Variants in LAMA2 observed in about 807,000 individuals in gnomAD.
The protein encoded by LAMA2 is laminin subunit alpha-2.
A neutral mutation model predicts 364.8 loss-of-function variants in LAMA2; 269 were observed. The ratio of observed to expected loss-of-function variants is 0.74; its 90% CI spans 0.67 to 0.82. The LOEUF is 0.82. LAMA2 is among the 40% of genes least tolerant of loss of function. The pLI is 0.00. For missense variants in LAMA2, 3,807 were observed against 3,873.2 expected (o/e 0.98, Z 0.45); for synonymous variants, 1,379 against 1,370.6 (o/e 1.01, Z -0.14).
chr6:128,945,054 C>T (rs1189193646), intron 1 of LAMA2, among the ~76,000 whole-genome samples: 1 of 152,152 alleles, frequency 6.6e-6, no homozygotes, highest in South Asian at 2.1e-4. Context: ...TGTTACATCA[C>T]AGCATTTGAG....
chr6:129,116,641 T>G (rs1776501065), intron 4 of LAMA2, among the ~76,000 whole-genome samples: 1 of 147,702 alleles, frequency 6.8e-6, no homozygotes, highest in African/African-American at 2.6e-5. Context: ...AAAGGCAGTT[T>G]TTAAAGGAGA....
At chr6:128,889,792 A>G (rs140308956) in intron 1 of LAMA2, among the ~76,000 whole-genome samples, 10 of 152,346 alleles carry the variant, frequency 6.6e-5, no homozygotes, top group African/African-American at 2.4e-4. Context: ...TTTGCTTGTC[A>G]AAGATGTATA....
intron 37 of LAMA2, among the ~76,000 whole-genome samples, chr6:129,398,699 C>T (rs1322828062): frequency 1.3e-5 from 2 of 152,020 alleles, no homozygotes; most frequent in African/African-American, 4.8e-5. Context: ...GTCTCGGACT[C>T]CTGACCTCAG....
chr6:128,904,881 T>A (rs1777324334), intron 1 of LAMA2, among the ~76,000 whole-genome samples: 1 of 152,232 alleles, frequency 6.6e-6, no homozygotes, highest in African/African-American at 2.4e-5. Context: ...AAAAGGCTGC[T>A]GTTGAAGGTT....
At chr6:129,473,423 G>A in intron 52 of LAMA2, 71 bp downstream of exon 52, 2 of 1,427,820 alleles carry the variant, frequency 1.4e-6, no homozygotes, top group Non-Finnish European at 2.0e-6. Flanking sequence ...CTAGAGTTCT[G>A]AAGTTTAATT....
At chr6:129,359,984 T>G (rs1434091446) in intron 32 of LAMA2, among the ~76,000 whole-genome samples, 1 of 152,188 alleles carries the variant, frequency 6.6e-6, no homozygotes, top group Non-Finnish European at 1.5e-5. Context: ...ACTGTGTTTG[T>G]TAATATTAGA....
chr6:129,460,104 A>G (rs967660106), intron 48 of LAMA2, 96 bp from the exon 49 acceptor site: 10 of 1,151,722 alleles, frequency 8.7e-6, no homozygotes, highest in African/African-American at 7.6e-5. Context: ...ATGGATAATG[A>G]TAACTTTAGT....
chr6:129,391,568 C>A lies in LAMA2; in HGVS notation c.5149C>A (p.Leu1717Ile). The change falls in exon 36 of 65, where the codon CTT becomes ATT. Residue 1717 changes from leucine to isoleucine, a missense_variant. By Grantham distance (5) the Leu-to-Ile change is conservative. Transcript: ENST00000421865. ...GGCCTTTGAGAGAAATTTGGAAGGG[C>A]TTCAGAAAGAGATTGACCAGATGAT... is the stretch of plus-strand genomic sequence containing the variant. ...DEAFERNLEGLQKEIDQMIKE... is the reference protein window; with the variant it reads ...DEAFERNLEGIQKEIDQMIKE... 2 of 1,613,484 alleles carry A rather than the reference C, an allele frequency of 1.2e-6. No individual in the cohort carries two copies. The highest frequency in any genetic ancestry group is 1.7e-6 in the Non-Finnish European group (2 of 1,179,560).
intron 1 of LAMA2, among the ~76,000 whole-genome samples, chr6:129,006,058 C>T (rs1381459470): frequency 1.3e-5 from 2 of 151,888 alleles, no homozygotes; most frequent in Non-Finnish European, 2.9e-5. Context: ...ACAAGAAAGA[C>T]CCCCTAATTT....
intron 9 of LAMA2, among the ~76,000 whole-genome samples, chr6:129,172,084 TTTTCAAAGTTTTCAACTTCTTTGCC>T (rs1255189153): frequency 2.7e-5 from 4 of 149,052 alleles, no homozygotes; most frequent in Non-Finnish European, 4.5e-5. Flanking sequence ...TTCTACATTT[TTTTCAAAGTTTTCAACTTCTTTGCC>T]TTTGGTTTGA....
intron 27 of LAMA2, 96 bp downstream of exon 27, chr6:129,316,267 T>C (rs1477153577): frequency 3.8e-6 from 4 of 1,043,324 alleles, no homozygotes; most frequent in African/African-American, 3.2e-5. Context: ...TGGAAAGTGA[T>C]TGGTTTTGCA....
chr6:129,233,803 A>C (rs10447440), intron 12 of LAMA2, among the ~76,000 whole-genome samples: 19,570 of 152,222 alleles, frequency 0.13, 1,590 homozygotes, highest in Middle Eastern at 0.22. Context: ...GCAATGGGAT[A>C]AAAATATCAT....
intron 1 of LAMA2, among the ~76,000 whole-genome samples, chr6:128,973,266 AT>A (rs905629377): frequency 6.6e-6 from 1 of 151,954 alleles, no homozygotes; most frequent in African/African-American, 2.4e-5. Flanking sequence ...AGGATTCATA[AT>A]TTTTTTTACT....
chr6:129,209,304 A>T (rs555656452), intron 12 of LAMA2, among the ~76,000 whole-genome samples: 1 of 152,330 alleles, frequency 6.6e-6, no homozygotes, highest in East Asian at 1.9e-4. Flanking sequence ...AACTCTTTTG[A>T]AACTTTACCT....
intron 12 of LAMA2, among the ~76,000 whole-genome samples, chr6:129,224,358 C>T (rs984696987): frequency 7.8e-4 from 118 of 152,192 alleles, no homozygotes; most frequent in Admixed American, 4.6e-3. Context: ...GCCTGATTGC[C>T]CTGGCCAGAA....
chr6:129,483,559 A>G (rs1333579347), intron 55 of LAMA2, among the ~76,000 whole-genome samples: 2 of 152,174 alleles, frequency 1.3e-5, no homozygotes, highest in African/African-American at 2.4e-5. Flanking sequence ...AAAATATGTC[A>G]TTTCTCCCCA....
chr6:129,279,936 G>T (rs1225620726), intron 17 of LAMA2, 125 bp from the exon 18 acceptor site: 1 of 734,978 alleles, frequency 1.4e-6, no homozygotes, highest in Non-Finnish European at 2.5e-6. Context: ...TGTCTCTGGG[G>T]TGAGAATGAC....
intron 1 of LAMA2, among the ~76,000 whole-genome samples, chr6:129,021,714 C>A (rs190272775): frequency 6.6e-6 from 1 of 152,116 alleles, no homozygotes; most frequent in South Asian, 2.1e-4. Context: ...TCAAGTATGT[C>A]CTGCCTGGAT....
intron 3 of LAMA2, among the ~76,000 whole-genome samples, chr6:129,093,110 G>A (rs1774942867): frequency 1.3e-5 from 2 of 151,562 alleles, no homozygotes; most frequent in South Asian, 4.2e-4. Context: ...AGCTTCCGGA[G>A]TAGCTGGGAT....
Sources: gnomAD v4.1 joint callset for allele counts (sites outside exome capture counted in the v4.1 genomes callset) on GRCh38, gnomAD v4.1.1 for gene constraint, MANE v1.5 for transcripts, NCBI Gene and HGNC (gene_info 2026-07-23, HGNC 2026-07-21) for gene names.